Variants in LRRC4C observed in about 807,000 individuals in gnomAD.
The protein encoded by LRRC4C is leucine rich repeat containing 4C.
Under a neutral mutation model 33.6 loss-of-function variants are expected in LRRC4C, and 5 were observed. The ratio of observed to expected loss-of-function variants is 0.15; its 90% CI spans 0.08 to 0.31. The LOEUF (loss-of-function observed/expected upper bound fraction) is 0.31. Among genes scored for constraint, LRRC4C ranks in the 10% least tolerant of loss-of-function variants. LRRC4C has a pLI of 1.00. For synonymous variants in LRRC4C, 329 were observed against 302.0 expected (o/e 1.09, Z -0.93); for missense variants, 560 against 796.7 (o/e 0.70, Z 3.58).
chr11:40,834,540 GA>G (rs1426592825), intron 2 of LRRC4C, among the ~76,000 whole-genome samples: 1 of 151,886 alleles, frequency 6.6e-6, no homozygotes, highest in African/African-American at 2.4e-5. Context: ...TAGTAGTGGG[GA>G]AAAAAGAAAG....
chr11:41,211,073 G>T (rs1304159826), intron 1 of LRRC4C, among the ~76,000 whole-genome samples: 1 of 152,182 alleles, frequency 6.6e-6, no homozygotes, highest in East Asian at 1.9e-4. Context: ...CTGCTGTGCG[G>T]CCTAGTTCCT....
chr11:40,676,835 G>C (rs10768623), intron 2 of LRRC4C, among the ~76,000 whole-genome samples: 1 of 151,850 alleles, frequency 6.6e-6, no homozygotes, highest in Non-Finnish European at 1.5e-5. Flanking sequence ...TACCAATCCT[G>C]TGCCTGTTAA....
intron 1 of LRRC4C, among the ~76,000 whole-genome samples, chr11:41,334,655 AC>A (rs1253075990): frequency 2.6e-5 from 4 of 151,804 alleles, no homozygotes; most frequent in African/African-American, 9.7e-5. Context: ...AAAAAGTGAG[AC>A]CCTCTCTCTG....
chr11:41,352,870 C>T lies in LRRC4C; in HGVS notation c.-496+106561G>A, dbSNP rs1158001964. ...CCAGAATCTCTGGGACATAGACAAA[C>T]CAGTGTTAAGAGGAAAGTTTATAGT... On this transcript the variant is annotated intron_variant, in intron 1 of 6. Coordinates refer to ENST00000528697, the MANE Select transcript of LRRC4C (RefSeq NM_001258419.2). 4.6e-5 allele frequency among the ~76,000 whole-genome samples: 7 copies of T among 151,880 alleles called. 1 individual carries two copies. In the South Asian group the frequency reaches 1.5e-3, roughly 32 times the overall value.
At chr11:40,394,464 C>T (rs187665754) in intron 3 of LRRC4C, among the ~76,000 whole-genome samples, 1 of 152,202 alleles carries the variant, frequency 6.6e-6, no homozygotes, top group Admixed American at 6.6e-5. Flanking sequence ...GACTTGTTCG[C>T]TTTTCTCCAT....
chr11:40,281,420 A>G (rs1017480930), intron 4 of LRRC4C, among the ~76,000 whole-genome samples: 2 of 152,092 alleles, frequency 1.3e-5, no homozygotes, highest in Non-Finnish European at 2.9e-5. Context: ...CTGCGCCAGG[A>G]TGAGCTCTCT....
intron 2 of LRRC4C, among the ~76,000 whole-genome samples, chr11:40,670,985 A>T (rs541399592): frequency 2.6e-5 from 4 of 152,054 alleles, no homozygotes; most frequent in Non-Finnish European, 5.9e-5. Flanking sequence ...GGATTGTCTC[A>T]ATCTCCTGAC....
chr11:40,399,987 C>A (rs1321252381), intron 3 of LRRC4C, among the ~76,000 whole-genome samples: 2 of 152,062 alleles, frequency 1.3e-5, no homozygotes, highest in Non-Finnish European at 2.9e-5. Context: ...ACCAGTAGAG[C>A]AAAGCCAAAG....
intron 3 of LRRC4C, among the ~76,000 whole-genome samples, chr11:40,339,292 T>C (rs1946763246): frequency 6.6e-6 from 1 of 152,188 alleles, no homozygotes; most frequent in Non-Finnish European, 1.5e-5. Flanking sequence ...GAACACTTTG[T>C]CTTTCCACAA....
At chr11:41,105,542 G>T (rs1020832820) in intron 1 of LRRC4C, among the ~76,000 whole-genome samples, 1 of 151,984 alleles carries the variant, frequency 6.6e-6, no homozygotes, top group Admixed American at 6.6e-5. Flanking sequence ...AATATTTATT[G>T]AATTAAAATC....
rs185756246 is a variant in LRRC4C, at chr11:40,165,427, C to T, written c.-95-24574G>A. ...TCTGTTTGTCTGTGTGTACAAAAGG[C>T]TTGAAGGAGATGAAGAAAACACAAA... On this transcript the variant is annotated intron_variant, in intron 5 of 6. Transcript: ENST00000528697. Among the ~76,000 whole-genome samples the T allele has an allele frequency of 2.7e-4, 41 of 152,072 alleles. No individual in the cohort carries two copies. The East Asian group carries it at 7.7e-3, about 29-fold the overall frequency.
At chr11:40,717,601 A>G (rs36120097) in intron 2 of LRRC4C, among the ~76,000 whole-genome samples, 78,892 of 151,406 alleles carry the variant, frequency 0.52, 20,690 homozygotes, top group African/African-American at 0.56. Flanking sequence ...TCACTGCGCT[A>G]TAGATTTTCC....
intron 1 of LRRC4C, among the ~76,000 whole-genome samples, chr11:41,034,426 C>A (rs1247587600): frequency 2.2e-5 from 2 of 89,636 alleles, no homozygotes; most frequent in East Asian, 2.8e-4. Flanking sequence ...CACATATGAA[C>A]AATCCAAACA....
At position 40,794,373 on chromosome 11, in the gene LRRC4C, CAAAAAAAAAAAA is replaced by C. The variant is rs57476895; in HGVS notation, c.-407+139250_-407+139261del. 6.1e-3 allele frequency among the ~76,000 whole-genome samples: 474 copies of C among 77,222 alleles called. 3 individuals are homozygous for C. Among genetic ancestry groups the C allele is most frequent in the South Asian group, 0.014 (26 of 1,900 alleles). 50.7% of individuals were successfully genotyped at this position (77,222 alleles called of 152,430 possible). On this transcript the variant is annotated intron_variant, in intron 2 of 6. Coordinates refer to ENST00000528697, the MANE Select transcript of LRRC4C (RefSeq NM_001258419.2). ...ACAAAGCCACTCTCATAAACGCCAG[CAAAAAAAAAAAA>C]AAAAAAAAAAAAAAATGTGGCGGAC...
At chr11:40,532,457 A>C (rs1005631518) in intron 3 of LRRC4C, among the ~76,000 whole-genome samples, 1 of 151,898 alleles carries the variant, frequency 6.6e-6, no homozygotes, top group African/African-American at 2.4e-5. Flanking sequence ...TTATATTAGA[A>C]TATAGCCTAT....
chr11:41,142,860 C>G (rs1174651859), intron 1 of LRRC4C, among the ~76,000 whole-genome samples: 4 of 152,104 alleles, frequency 2.6e-5, no homozygotes, highest in Non-Finnish European at 5.9e-5. Flanking sequence ...ACAAATATAG[C>G]TTAACAAAAA....
At chr11:41,233,930 C>T (rs1472633069) in intron 1 of LRRC4C, among the ~76,000 whole-genome samples, 1 of 151,230 alleles carries the variant, frequency 6.6e-6, no homozygotes. Flanking sequence ...AAAAGCATAA[C>T]TGCACCACTT....
intron 3 of LRRC4C, among the ~76,000 whole-genome samples, chr11:40,467,163 G>A (rs1952692729): frequency 6.6e-6 from 1 of 152,074 alleles, no homozygotes; most frequent in Non-Finnish European, 1.5e-5. Context: ...CTCAGTGAAG[G>A]TGAGTTGAGG....
chr11:41,332,220 T>C (rs993865795), intron 1 of LRRC4C, among the ~76,000 whole-genome samples: 1 of 152,222 alleles, frequency 6.6e-6, no homozygotes, highest in Non-Finnish European at 1.5e-5. Context: ...ATTTGCCTCA[T>C]TAAGCTTGAT....
Sources: allele counts gnomAD v4.1 joint callset (sites outside exome capture counted in the v4.1 genomes callset), GRCh38; gene constraint gnomAD v4.1.1; transcripts MANE v1.5; gene names NCBI Gene and HGNC (gene_info 2026-07-23, HGNC 2026-07-21).